Variants in COL5A3 observed in about 807,000 individuals in gnomAD.
COL5A3 encodes the protein collagen alpha-3(V) chain.
In COL5A3, 172 loss-of-function variants were observed where a neutral mutation model predicts 250.0. The ratio of observed to expected loss-of-function variants is 0.69; its 90% confidence interval spans 0.61 to 0.78. The LOEUF (loss-of-function observed/expected upper bound fraction) is 0.78, where lower values mean the gene tolerates loss of function less well. Ranked by LOEUF, COL5A3 falls within the 30% of genes least tolerant of loss-of-function variation. The pLI, the probability that COL5A3 is intolerant of heterozygous loss-of-function variation, is 0.00. For missense variants in COL5A3, 2,340 were observed against 2,334.4 expected (o/e 1.00, Z -0.05); for synonymous variants, 937 against 900.4 (o/e 1.04, Z -0.73).
rs576174800 is a variant in COL5A3, at chr19:9,978,839, C to G, written c.2964+52G>C. On this transcript the variant is annotated intron_variant, in intron 40 of 66. Coordinates refer to ENST00000264828, the MANE Select transcript of COL5A3 (RefSeq NM_015719.4). ...ATTCCCCATCCCTCCCCTGACCCCC[C>G]CATCCTTTCCTTCTCTAAGGGACAT... 3.9e-6 allele frequency: 5 copies of G among 1,267,068 alleles called. No homozygotes were observed. The East Asian group carries it at 8.0e-5, about 20-fold the overall frequency. The allele number at this position is 1,267,068 out of a possible 1,614,324, so 78.5% of individuals were successfully genotyped here. A position where few individuals can be genotyped will look rare whatever the true frequency, so the allele number is the denominator to read the frequency against.
Position 9,986,338 on chromosome 19 carries a change from GC to G in COL5A3, c.2328del (p.Pro778GlnfsTer37). On this transcript the variant is annotated frameshift_variant, in exon 30 of 67. Coordinates refer to ENST00000264828, the MANE Select transcript of COL5A3 (RefSeq NM_015719.4). LOFTEE classifies it high-confidence loss of function. ...ACCTTCTCCCCAGCTGAGCCTGGGG[GC>G]CCCTCCTCGCCAGCCTGCCCCGCCT... ...KGQAGQAGEE[G>X]PPGSAGEKGK... is the part of the protein sequence containing the mutation. The G allele has an allele frequency of 6.3e-7, 1 of 1,582,530 alleles. No homozygotes were observed.
chr19:9,985,894 C>T lies in COL5A3; in HGVS notation c.2354G>A (p.Gly785Asp). 1 of 1,613,984 alleles carries T rather than the reference C, an allele frequency of 6.2e-7. No homozygotes were observed. The highest frequency in any genetic ancestry group is 8.5e-7 in the Non-Finnish European group (1 of 1,179,956). ...TGGGAGGCCTGGCACCCCAAGCTTG[C>T]CCTGCAGAAAGGTTATGGGACAAAG... ...EGPPGSAGEK[G>D]KLGVPGLPGY... Residue 785 changes from glycine (G) to aspartate (D), a missense_variant and splice_region_variant, in exon 31 of 67, where the codon GGC becomes GAC. Gly to Asp is a moderately conservative substitution (Grantham distance 94). Coordinates refer to ENST00000264828, the MANE Select transcript of COL5A3 (RefSeq NM_015719.4).
intron 24 of COL5A3, among the ~76,000 whole-genome samples, chr19:9,989,781 AG>A (rs1269479612): frequency 5.9e-5 from 9 of 152,176 alleles, no homozygotes; most frequent in Non-Finnish European, 1.2e-4. Context: ...ATAGCACAAC[AG>A]GGTAACTATA....
intron 29 of COL5A3, 51 bp from the exon 30 acceptor site, chr19:9,986,473 T>C: frequency 6.2e-7 from 1 of 1,607,908 alleles, no homozygotes; most frequent in Non-Finnish European, 8.5e-7. Context: ...CTTCCTGCTC[T>C]GTCTAGCCCC....
chr19:9,993,945 T>C (rs1489070702), intron 16 of COL5A3, 139 bp from the exon 17 acceptor site: 1 of 728,940 alleles, frequency 1.4e-6, no homozygotes, highest in Non-Finnish European at 2.3e-6. Context: ...TGGAGTGCAG[T>C]GGCACGTTCT....
rs143384440 is a variant in COL5A3 at position 10,005,079 on chromosome 19, A to G, written c.594+479T>C. ...ATCGTCACAATTTATGGTCTTGGCC[A>G]GGCGCGGTGGCTCATACCTGTAATC... is the stretch of plus-strand genomic sequence containing the variant. On this transcript the variant is annotated intron_variant, in intron 4 of 66. Transcript: ENST00000264828. Among the ~76,000 whole-genome samples, 14 of 152,138 alleles carry G rather than the reference A, an allele frequency of 9.2e-5. 1 individual carries two copies. Among genetic ancestry groups the G allele is most frequent in the African/African-American group, 2.4e-4 (10 of 41,538 alleles).
chr19:9,988,855 A>AAAAAAAAAGAGAGAAAG (rs1269531312), intron 27 of COL5A3, among the ~76,000 whole-genome samples: 10 of 104,728 alleles, frequency 9.5e-5, no homozygotes, highest in Admixed American at 5.8e-4. Flanking sequence ...AAAAAAAAAA[A>AAAAAAAAAGAGAGAAAG]AAAGAAAGTA....
chr19:9,973,149 T>G (rs1440573464), intron 50 of COL5A3, 123 bp from the exon 51 acceptor site: 1 of 828,702 alleles, frequency 1.2e-6, no homozygotes, highest in Non-Finnish European at 1.9e-6. Flanking sequence ...CAGAGTAGCC[T>G]AGGTTGTCCA....
At chr19:10,005,146 CAGG>C (rs1486455751) in intron 4 of COL5A3, among the ~76,000 whole-genome samples, 3 of 152,122 alleles carry the variant, frequency 2.0e-5, no homozygotes, top group Non-Finnish European at 4.4e-5. Flanking sequence ...CACTTGAGGC[CAGG>C]AGTTCAGGAC....
intron 10 of COL5A3, 124 bp from the exon 11 acceptor site, chr19:9,997,557 CCCCT>C: frequency 1.6e-6 from 1 of 631,148 alleles, no homozygotes; most frequent in East Asian, 2.7e-5. Context: ...CACTCCAACT[CCCCT>C]AATGCAATAC....
At chr19:9,995,656 GAAGA>G (rs1402287556) in intron 15 of COL5A3, 39 bp from the exon 16 acceptor site, 1 of 1,465,822 alleles carries the variant, frequency 6.8e-7, no homozygotes, top group Admixed American at 2.0e-5. Flanking sequence ...AGGAAAATAA[GAAGA>G]AAGAGGGACT....
At chr19:9,977,158 T>C in intron 44 of COL5A3, 71 bp downstream of exon 44, 1 of 1,452,818 alleles carries the variant, frequency 6.9e-7, no homozygotes, top group Non-Finnish European at 9.7e-7. Context: ...TGGAGAATGA[T>C]CTCTACATCC....
At chr19:9,962,043 A>G (rs1276708623) in intron 65 of COL5A3, among the ~76,000 whole-genome samples, 1 of 152,222 alleles carries the variant, frequency 6.6e-6, no homozygotes, top group Non-Finnish European at 1.5e-5. Context: ...GTGATGTACT[A>G]TAAATGTAAA....
chr19:10,000,706 G>C (rs2087347859), intron 8 of COL5A3, among the ~76,000 whole-genome samples: 1 of 152,056 alleles, frequency 6.6e-6, no homozygotes, highest in Non-Finnish European at 1.5e-5. Flanking sequence ...TAGTCACAGA[G>C]TCAACTATTA....
Position 10,001,901 on chromosome 19 carries a change from A to C in COL5A3, c.850-20T>G, listed in dbSNP as rs199501586. ...GGAGGTCTGGAGCAGGGATGGAGGG[A>C]GCCTTGGGTCTCGGGTGAGGGCAAT... On this transcript the variant is annotated intron_variant, in intron 6 of 66. Transcript: ENST00000264828. 3 of 1,578,142 alleles carry C rather than the reference A, an allele frequency of 1.9e-6. No individual in the cohort carries two copies. Among genetic ancestry groups the C allele is most frequent in the Non-Finnish European group, 1.7e-6 (2 of 1,148,590 alleles).
At position 9,981,111 on chromosome 19, in the gene COL5A3, G is replaced by T. The variant is rs759990607; in HGVS notation, c.2482C>A (p.Leu828Met). The change falls in exon 33 of 67, where the codon CTG becomes ATG. Residue 828 changes from leucine to methionine, a missense_variant. By Grantham distance (15) the Leu-to-Met change is conservative. This residue lies in a region of COL5A3 where 1,152 missense variants were observed against 1,146.3 expected (regional missense o/e 1.00). Coordinates refer to ENST00000264828, the MANE Select transcript of COL5A3 (RefSeq NM_015719.4). ...ACTGGTGGTCCCCGCTCTCCTTCCA[G>T]GCCTGGCTGCCCTGTCTTTCCCTGA... ...GKSGKTGQPG[L>M]EGERGPPGSR... 1.2e-6 allele frequency: 2 copies of T among 1,614,024 alleles called. No individual in the cohort carries two copies. Among genetic ancestry groups the T allele is most frequent in the South Asian group, 2.2e-5 (2 of 91,078 alleles).
At position 9,968,788 on chromosome 19, in the gene COL5A3, G is replaced by A. The variant is rs1280916844; in HGVS notation, c.4153-60C>T. The A allele has an allele frequency of 1.4e-6, 2 of 1,434,044 alleles. No homozygotes were observed. Among genetic ancestry groups the A allele is most frequent in the East Asian group, 4.6e-5 (2 of 43,132 alleles). 88.8% of individuals were successfully genotyped at this position (1,434,044 alleles called of 1,614,324 possible). ...AAATGTGAACTCGAGGTCTGTGTGG[G>A]TGGTTAGGGGATGGTCAAATGGGAA... On this transcript the variant is annotated intron_variant, in intron 57 of 66. Coordinates refer to ENST00000264828, the MANE Select transcript of COL5A3 (RefSeq NM_015719.4). The surrounding 1 kb of genome is among the most constrained non-coding windows in gnomAD (Gnocchi z 4.1).
chr19:9,995,499 C>A, intron 16 of COL5A3, 65 bp downstream of exon 16: 1 of 1,457,690 alleles, frequency 6.9e-7, no homozygotes, highest in Admixed American at 2.2e-5. Context: ...GGTCACAAAG[C>A]CAAGGCTCAT....
chr19:9,986,247 C>T, intron 30 of COL5A3, 68 bp downstream of exon 30: 1 of 1,120,700 alleles, frequency 8.9e-7, no homozygotes, highest in Non-Finnish European at 1.3e-6. Flanking sequence ...AATAAAAGGG[C>T]AAAGGGCAGA....
Sources: gnomAD v4.1 joint callset for allele counts (sites outside exome capture counted in the v4.1 genomes callset) on GRCh38, gnomAD v4.1.1 for gene constraint, gnomAD v4.1.1 regional missense constraint, Gnocchi (gnomAD v3.1) non-coding constraint, MANE v1.5 for transcripts, NCBI Gene and HGNC (gene_info 2026-07-23, HGNC 2026-07-21) for gene names.